SHLD2: variants seen among roughly 807,000 people sequenced by gnomAD.
The protein encoded by SHLD2 is shieldin complex subunit 2.
Under a neutral mutation model 73.2 loss-of-function variants are expected in SHLD2, and 30 were observed. That is an observed-to-expected ratio of 0.41 (90% CI 0.31 to 0.56). The LOEUF is 0.56. Ranked by LOEUF, SHLD2 falls within the 20% of genes least tolerant of loss-of-function variation. The pLI is 0.28. For missense variants in SHLD2, 745 were observed against 1,055.9 expected (o/e 0.71, Z 4.08); for synonymous variants, 285 against 370.1 (o/e 0.77, Z 2.64).
In SHLD2 at chr10:87,113,720, G is replaced by T. The variant is rs1298797983; in HGVS notation, c.-6+16731G>T. 3.3e-5 allele frequency among the ~76,000 whole-genome samples: 5 copies of T among 152,180 alleles called. No individual in the cohort carries two copies. The East Asian group carries it at 9.6e-4, about 29-fold the overall frequency. On this transcript the variant is annotated intron_variant, in intron 2 of 9. Coordinates refer to ENST00000298786, the MANE Select transcript of SHLD2 (RefSeq NM_001330112.2). ...TGTATGCTATGTCAATTAAAAAAAA[G>T]TATAGGCCAAGTGCAGTGGCTGAAG...
chr10:87,124,176 T>A (rs2091600578), intron 2 of SHLD2, among the ~76,000 whole-genome samples: 1 of 152,236 alleles, frequency 6.6e-6, no homozygotes, highest in African/African-American at 2.4e-5. Context: ...GTATTTATAA[T>A]TTCTTGGATG....
Position 87,174,974 on chromosome 10 carries a change from G to A in SHLD2, c.1964-915G>A, listed in dbSNP as rs536941105. Among the ~76,000 whole-genome samples, 37 of 152,040 alleles carry A rather than the reference G, an allele frequency of 2.4e-4. 1 individual carries two copies. The highest frequency in any genetic ancestry group is 1.5e-3 in the South Asian group (7 of 4,798). On this transcript the variant is annotated intron_variant, in intron 6 of 9. Coordinates refer to ENST00000298786, the MANE Select transcript of SHLD2 (RefSeq NM_001330112.2). ...ACTAAAAATGCAAAAAAATTTAGCCGGGCGTGGTGGCGGGCGCCTGTAGTC... is the reference window on the plus strand; with the variant it reads ...ACTAAAAATGCAAAAAAATTTAGCCAGGCGTGGTGGCGGGCGCCTGTAGTC...
At chr10:87,121,399 A>G (rs1843608535) in intron 2 of SHLD2, among the ~76,000 whole-genome samples, 1 of 152,162 alleles carries the variant, frequency 6.6e-6, no homozygotes, top group Non-Finnish European at 1.5e-5. Flanking sequence ...TTGGGATTAC[A>G]GGTGAGAGCC....
intron 9 of SHLD2, 130 bp from the exon 10 acceptor site, chr10:87,190,354 T>G: frequency 1.2e-6 from 1 of 831,264 alleles, no homozygotes; most frequent in South Asian, 1.5e-5. Context: ...CCACCGCTAC[T>G]GGACGGGAGG....
intron 9 of SHLD2, among the ~76,000 whole-genome samples, 155 bp from the exon 10 acceptor site, chr10:87,190,329 G>T (rs1848980814): frequency 6.6e-6 from 1 of 152,192 alleles, no homozygotes; most frequent in Non-Finnish European, 1.5e-5. Context: ...AGAGTGCTGG[G>T]ATTACAGGTG....
At position 87,151,333 on chromosome 10, in the gene SHLD2, T is replaced by C. The variant is rs748308697; in HGVS notation, c.-5-17T>C. On this transcript the variant is annotated splice_polypyrimidine_tract_variant and intron_variant, in intron 2 of 9. Transcript: ENST00000298786. ...ATGCTGACAATATATTAATTTTGGA[T>C]TTTTCATTTTTATCAGAAATCATGA... 1 of 1,460,978 alleles carries C rather than the reference T, an allele frequency of 6.8e-7. No homozygotes were observed. Among genetic ancestry groups the C allele is most frequent in the East Asian group, 2.3e-5 (1 of 43,690 alleles). The allele number at this position is 1,460,978 out of a possible 1,614,324, so 90.5% of individuals were successfully genotyped here. A position where few individuals can be genotyped will look rare whatever the true frequency, so the allele number is the denominator to read the frequency against.
intron 2 of SHLD2, among the ~76,000 whole-genome samples, chr10:87,101,983 G>A (rs1033444687): frequency 1.3e-5 from 2 of 152,158 alleles, no homozygotes; most frequent in Non-Finnish European, 2.9e-5. Context: ...TTTTCTATAT[G>A]CAAGATGCTG....
At chr10:87,152,949 CACTT>C in intron 3 of SHLD2, 70 bp downstream of exon 3, 1 of 1,417,540 alleles carries the variant, frequency 7.1e-7, no homozygotes, top group Non-Finnish European at 9.7e-7. Flanking sequence ...GTTTTTCTCC[CACTT>C]AGTCTTTGAA....
At chr10:87,111,259 C>T (rs1842902598) in intron 2 of SHLD2, among the ~76,000 whole-genome samples, 1 of 152,128 alleles carries the variant, frequency 6.6e-6, no homozygotes, top group South Asian at 2.1e-4. Flanking sequence ...CCTCTCTAGA[C>T]TCAAGCGGTC....
chr10:87,135,596 C>T (rs1300586583), intron 2 of SHLD2, among the ~76,000 whole-genome samples: 1 of 151,730 alleles, frequency 6.6e-6, no homozygotes, highest in African/African-American at 2.4e-5. Flanking sequence ...GGGCTCAACG[C>T]GATCCACCCT....
At chr10:87,127,526 C>CCCG (rs1251473747) in intron 2 of SHLD2, among the ~76,000 whole-genome samples, 3 of 42,630 alleles carry the variant, frequency 7.0e-5, no homozygotes, top group African/African-American at 3.7e-4. Context: ...GTCCCTCTTA[C>CCCG]CCGCCCCCCC....
In SHLD2 at chr10:87,170,586, G is replaced by A. The variant is rs1394469329; in HGVS notation, c.1742G>A (p.Ser581Asn). The A allele has an allele frequency of 1.9e-6, 3 of 1,613,722 alleles. No homozygotes were observed. The East Asian group carries it at 6.7e-5, about 36-fold the overall frequency. ...CCGAGGCAGCCTCAGAGGGTGAACA[G>A]TATAGACTTTGTAGAATTGGAGCAC... ...LPPRQPQRVN[S>N]IDFVELEHLQ... The change falls in exon 5 of 10, where the codon AGT (serine) becomes AAT (asparagine). Residue 581 changes from serine to asparagine, a missense_variant. Coordinates refer to ENST00000298786, the MANE Select transcript of SHLD2 (RefSeq NM_001330112.2).
intron 7 of SHLD2, among the ~76,000 whole-genome samples, chr10:87,176,386 G>A (rs1847954226): frequency 6.6e-6 from 1 of 152,160 alleles, no homozygotes; most frequent in African/African-American, 2.4e-5. Flanking sequence ...CTGGACTCAA[G>A]TGATCCTCTT....
chr10:87,127,022 A>G (rs1321941120), intron 2 of SHLD2, among the ~76,000 whole-genome samples: 1 of 152,138 alleles, frequency 6.6e-6, no homozygotes, highest in South Asian at 2.1e-4. Flanking sequence ...AGCTGTGGGG[A>G]GCACAAAATA....
At position 87,162,413 on chromosome 10, in the gene SHLD2, G is replaced by C. The variant is rs532594673; in HGVS notation, c.1633+4258G>C. On this transcript the variant is annotated intron_variant, in intron 4 of 9. Transcript: ENST00000298786. ...AACTTTTAAACCCTGAGTGACAAAG[G>C]CTGGGTGTGGTTGTTCACACTGGTA... 7.9e-5 allele frequency among the ~76,000 whole-genome samples: 12 copies of C among 152,292 alleles called. No homozygotes were observed. In the East Asian group the frequency reaches 1.7e-3, roughly 22 times the overall value.
At chr10:87,133,193 T>A (rs1480710789) in intron 2 of SHLD2, among the ~76,000 whole-genome samples, 1 of 152,198 alleles carries the variant, frequency 6.6e-6, no homozygotes, top group African/African-American at 2.4e-5. Context: ...TTTTAATTAA[T>A]TTTAATTTTT....
chr10:87,181,139 G>A (rs1358041705), intron 8 of SHLD2, among the ~76,000 whole-genome samples: 1 of 151,592 alleles, frequency 6.6e-6, no homozygotes, highest in African/African-American at 2.4e-5. Context: ...CCAGCACTTT[G>A]GGAGGCCGGG....
intron 2 of SHLD2, among the ~76,000 whole-genome samples, chr10:87,149,447 G>T (rs991343739): frequency 4.6e-5 from 7 of 152,018 alleles, no homozygotes; most frequent in African/African-American, 1.7e-4. Flanking sequence ...GTCTCGCCAG[G>T]CACGGTGGCT....
intron 2 of SHLD2, among the ~76,000 whole-genome samples, chr10:87,098,513 C>CAA (rs375253699): frequency 0.015 from 883 of 58,974 alleles, 13 homozygotes; most frequent in African/African-American, 0.052. Context: ...AACTCCATCT[C>CAA]AAAAAAAAAA....
Sources: gnomAD v4.1 joint callset for allele counts (sites outside exome capture counted in the v4.1 genomes callset) on GRCh38, gnomAD v4.1.1 for gene constraint, MANE v1.5 for transcripts, NCBI Gene and HGNC (gene_info 2026-07-23, HGNC 2026-07-21) for gene names.